Variants in ARHGAP42 observed in about 807,000 individuals in gnomAD.
The protein encoded by ARHGAP42 is Rho GTPase activating protein 42, also known as rho GTPase-activating protein 42.
Under a neutral mutation model 125.0 loss-of-function variants are expected in ARHGAP42, and 63 were observed. The observed-to-expected ratio is 0.50, with a 90% CI of 0.41 to 0.62. ARHGAP42 has a LOEUF of 0.62. ARHGAP42 is among the 20% of genes least tolerant of loss of function. The pLI, the probability that ARHGAP42 is intolerant of heterozygous loss-of-function variation, is 0.00. For synonymous variants in ARHGAP42, 339 were observed against 351.0 expected (o/e 0.97, Z 0.38); for missense variants, 766 against 1,024.2 (o/e 0.75, Z 3.44).
chr11:100,992,401 T>C lies in ARHGAP42; in HGVS notation c.*3600T>C. Reference sequence around the variant, plus strand: ...GGCTTGACTATTGTCCAGAAGTTACTTTCCCCTTGACTAAAGGTTTCCCCT... The same window carrying C: ...GGCTTGACTATTGTCCAGAAGTTACCTTCCCCTTGACTAAAGGTTTCCCCT... On this transcript the variant is annotated 3_prime_UTR_variant, in exon 24 of 24. Coordinates refer to ENST00000298815, the MANE Select transcript of ARHGAP42 (RefSeq NM_152432.4). 3 of 1,614,106 alleles carry C rather than the reference T, an allele frequency of 1.9e-6. No homozygotes were observed. Among genetic ancestry groups the C allele is most frequent in the Non-Finnish European group, 2.5e-6 (3 of 1,179,968 alleles).
intron 4 of ARHGAP42, among the ~76,000 whole-genome samples, chr11:100,879,028 G>A (rs1318758387): frequency 6.7e-6 from 1 of 149,952 alleles, no homozygotes; most frequent in African/African-American, 2.5e-5. Flanking sequence ...TATTTAGTGT[G>A]GTTTAGTTTG....
At chr11:100,796,661 A>G (rs1333334289) in intron 3 of ARHGAP42, among the ~76,000 whole-genome samples, 3 of 152,052 alleles carry the variant, frequency 2.0e-5, no homozygotes, top group Non-Finnish European at 4.4e-5. Context: ...ACAAAACAGC[A>G]CTATTACTAA....
In ARHGAP42 at chr11:100,750,135, TATAA is replaced by T. The variant is rs561347668; in HGVS notation, c.155-20202_155-20199del. Among the ~76,000 whole-genome samples, 97 of 152,324 alleles carry T rather than the reference TATAA, an allele frequency of 6.4e-4. 1 individual carries two copies. Among genetic ancestry groups the T allele is most frequent in the South Asian group, 1.7e-3 (8 of 4,832 alleles). ...AATCCTGGATGAGCCCCCAAATTGT[TATAA>T]ATAAAGTTTTGGTGCTGCAACAGAA... On this transcript the variant is annotated intron_variant, in intron 1 of 23. Transcript: ENST00000298815.
At chr11:100,861,809 G>A (rs1865452033) in intron 4 of ARHGAP42, among the ~76,000 whole-genome samples, 2 of 152,162 alleles carry the variant, frequency 1.3e-5, no homozygotes, top group Admixed American at 1.3e-4. Flanking sequence ...GAGTTAGCAG[G>A]TGTGTATTCG....
At chr11:100,887,498 T>A (rs746560508) in intron 4 of ARHGAP42, among the ~76,000 whole-genome samples, 1 of 152,256 alleles carries the variant, frequency 6.6e-6, no homozygotes, top group African/African-American at 2.4e-5. Flanking sequence ...GAAGTGAAGT[T>A]AAGTAATTTC....
intron 5 of ARHGAP42, among the ~76,000 whole-genome samples, chr11:100,917,005 TA>T (rs1337044457): frequency 8.4e-5 from 10 of 119,336 alleles, no homozygotes; most frequent in Admixed American, 2.9e-4. Flanking sequence ...AGGTTTGTTT[TA>T]AAATAAGTTT....
intron 2 of ARHGAP42, among the ~76,000 whole-genome samples, chr11:100,781,544 A>C (rs1863310823): frequency 6.6e-6 from 1 of 152,144 alleles, no homozygotes; most frequent in East Asian, 1.9e-4. Context: ...AATACTTACC[A>C]AGCACCGAGA....
intron 2 of ARHGAP42, among the ~76,000 whole-genome samples, chr11:100,794,689 C>T (rs929169414): frequency 5.9e-5 from 9 of 152,098 alleles, no homozygotes; most frequent in East Asian, 5.8e-4. Flanking sequence ...ACTAAGTACA[C>T]GAAATAGTAG....
At chr11:100,812,921 G>C (rs1864181964) in intron 3 of ARHGAP42, among the ~76,000 whole-genome samples, 1 of 152,182 alleles carries the variant, frequency 6.6e-6, no homozygotes, top group Non-Finnish European at 1.5e-5. Flanking sequence ...GGAATTTAAA[G>C]GACTACCCTA....
chr11:100,866,587 A>G (rs539954051), intron 4 of ARHGAP42, among the ~76,000 whole-genome samples: 2 of 152,332 alleles, frequency 1.3e-5, no homozygotes, highest in East Asian at 3.9e-4. Context: ...CAGGAAACTT[A>G]CAATCATGGG....
intron 3 of ARHGAP42, among the ~76,000 whole-genome samples, chr11:100,829,396 C>G (rs377010751): frequency 6.6e-6 from 1 of 151,924 alleles, no homozygotes; most frequent in Admixed American, 6.6e-5. Flanking sequence ...CTTTCAAGAA[C>G]CTCACCAGGT....
chr11:100,885,609 A>G (rs1002635490), intron 4 of ARHGAP42, among the ~76,000 whole-genome samples: 1 of 152,192 alleles, frequency 6.6e-6, no homozygotes, highest in African/African-American at 2.4e-5. Flanking sequence ...AGATTTTGCA[A>G]AATTATATTT....
At chr11:100,895,888 C>T (rs1429172990) in intron 4 of ARHGAP42, among the ~76,000 whole-genome samples, 5 of 151,980 alleles carry the variant, frequency 3.3e-5, no homozygotes, top group Middle Eastern at 3.4e-3. Context: ...ATGTGCACAA[C>T]GTGTAGGATT....
At chr11:100,733,825 GAAAAAAAAAAAA>G (rs551074447) in intron 1 of ARHGAP42, among the ~76,000 whole-genome samples, 1 of 31,384 alleles carries the variant, frequency 3.2e-5, no homozygotes, top group Non-Finnish European at 5.5e-5. Context: ...ATTCTGTCTG[GAAAAAAAAAAAA>G]AAAAAAAAAA....
At chr11:100,877,322 C>T (rs1865842849) in intron 4 of ARHGAP42, among the ~76,000 whole-genome samples, 1 of 152,146 alleles carries the variant, frequency 6.6e-6, no homozygotes, top group African/African-American at 2.4e-5. Context: ...CCTTACTTAG[C>T]CTCTGGGGAA....
At chr11:100,909,455 C>T (rs1591287733) in intron 4 of ARHGAP42, among the ~76,000 whole-genome samples, 1 of 151,834 alleles carries the variant, frequency 6.6e-6, no homozygotes, top group East Asian at 1.9e-4. Context: ...AGCGATTCTC[C>T]TGCCTCAGCC....
intron 4 of ARHGAP42, among the ~76,000 whole-genome samples, chr11:100,869,900 G>A (rs1012432144): frequency 2.6e-5 from 4 of 152,102 alleles, no homozygotes; most frequent in Non-Finnish European, 5.9e-5. Context: ...AGAAATGTTT[G>A]AAGCTTCCCT....
At position 100,837,679 on chromosome 11, in the gene ARHGAP42, T is replaced by TA. The variant is rs1344508088; in HGVS notation, c.313-21875_313-21874insA. Reference sequence around the variant, plus strand: ...CTAGGTGTCATCCTTTTTTTTTTTTTTTTTTTTTTTTTTTTTTTAGTAAAT... The same window carrying TA: ...CTAGGTGTCATCCTTTTTTTTTTTTTATTTTTTTTTTTTTTTTTTAGTAAAT... On this transcript the variant is annotated intron_variant, in intron 3 of 23. Coordinates refer to ENST00000298815, the MANE Select transcript of ARHGAP42 (RefSeq NM_152432.4). Among the ~76,000 whole-genome samples the TA allele has an allele frequency of 2.4e-4, 33 of 139,424 alleles. 1 individual carries two copies. Among genetic ancestry groups the TA allele is most frequent in the Non-Finnish European group, 3.6e-4 (23 of 64,696 alleles). 91.5% of individuals were successfully genotyped at this position (139,424 alleles called of 152,430 possible).
intron 3 of ARHGAP42, among the ~76,000 whole-genome samples, chr11:100,824,203 G>A (rs189795811): frequency 6.6e-6 from 1 of 152,274 alleles, no homozygotes; most frequent in East Asian, 1.9e-4. Context: ...TTGTGAGAAG[G>A]TTCCCAGGGT....
Sources: allele counts gnomAD v4.1 joint callset (sites outside exome capture counted in the v4.1 genomes callset), GRCh38; gene constraint gnomAD v4.1.1; transcripts MANE v1.5; gene names NCBI Gene and HGNC (gene_info 2026-07-23, HGNC 2026-07-21).